The following DOCK1 variants were observed in gnomAD, a reference collection of about 807,000 sequenced individuals.
DOCK1 encodes the protein dedicator of cytokinesis 1, also known as dedicator of cytokinesis protein 1.
A neutral mutation model predicts 262.7 loss-of-function variants in DOCK1; 138 were observed. The ratio of observed to expected loss-of-function variants is 0.53; its 90% CI spans 0.46 to 0.61. The LOEUF is 0.61. DOCK1 is among the 20% of genes least tolerant of loss of function. DOCK1 has a pLI of 0.00. For missense variants in DOCK1, 1,908 were observed against 2,370.7 expected (o/e 0.80, Z 4.05); for synonymous variants, 866 against 867.4 (o/e 1.00, Z 0.03).
At chr10:127,267,736 G>A (rs2060414841) in intron 29 of DOCK1, among the ~76,000 whole-genome samples, 1 of 152,282 alleles carries the variant, frequency 6.6e-6, no homozygotes, top group African/African-American at 2.4e-5. Flanking sequence ...TCTATTTTAT[G>A]CATGAAACAT....
At chr10:127,316,749 C>G (rs961623643) in intron 29 of DOCK1, among the ~76,000 whole-genome samples, 18 of 152,220 alleles carry the variant, frequency 1.2e-4, no homozygotes, top group East Asian at 1.2e-3. Context: ...ACAGACAAGG[C>G]GGACCACAGA....
intron 27 of DOCK1, among the ~76,000 whole-genome samples, chr10:127,168,861 CTG>C (rs1247449781): frequency 1.3e-5 from 2 of 152,174 alleles, no homozygotes; most frequent in African/African-American, 4.8e-5. Context: ...TCTTTCTGCT[CTG>C]TAACTTAAAT....
At chr10:127,125,793 T>G in intron 26 of DOCK1, among the ~76,000 whole-genome samples, 192 bp downstream of exon 26, 1 of 152,322 alleles carries the variant, frequency 6.6e-6, no homozygotes, top group Non-Finnish European at 1.5e-5. Flanking sequence ...ACATTTATCC[T>G]TTTGCATTGA....
intron 5 of DOCK1, among the ~76,000 whole-genome samples, chr10:126,989,207 G>A (rs2134983367): frequency 6.6e-6 from 1 of 152,286 alleles, no homozygotes; most frequent in East Asian, 1.9e-4. Flanking sequence ...CTCCTAGAAA[G>A]AAGGTTAAAT....
intron 27 of DOCK1, among the ~76,000 whole-genome samples, chr10:127,129,168 C>G (rs1168083856): frequency 1.3e-5 from 2 of 152,156 alleles, no homozygotes; most frequent in African/African-American, 4.8e-5. Context: ...ACAGGTCGCA[C>G]AGATGGACAA....
At chr10:127,336,625 C>T (rs371538357) in intron 29 of DOCK1, among the ~76,000 whole-genome samples, 34 of 151,850 alleles carry the variant, frequency 2.2e-4, no homozygotes, top group South Asian at 1.7e-3. Flanking sequence ...CTGCAAGCTC[C>T]GCCTCCCAGG....
At chr10:127,327,900 T>G (rs547651937) in intron 29 of DOCK1, among the ~76,000 whole-genome samples, 14 of 152,286 alleles carry the variant, frequency 9.2e-5, no homozygotes, top group African/African-American at 3.4e-4. Flanking sequence ...AGATCACTTA[T>G]GACCTTGAGG....
chr10:127,325,819 T>A (rs1159509127), intron 29 of DOCK1, among the ~76,000 whole-genome samples: 1 of 152,150 alleles, frequency 6.6e-6, no homozygotes, highest in East Asian at 1.9e-4. Flanking sequence ...TTAGGGTAGG[T>A]GATTATATCT....
chr10:127,048,906 A>C (rs1156639912), intron 21 of DOCK1, among the ~76,000 whole-genome samples: 1 of 152,236 alleles, frequency 6.6e-6, no homozygotes, highest in Non-Finnish European at 1.5e-5. Context: ...CTAACCTTAT[A>C]CATAATGCTG....
chr10:126,951,628 G>GA (rs2036256074), intron 1 of DOCK1, among the ~76,000 whole-genome samples: 1 of 117,088 alleles, frequency 8.5e-6, no homozygotes, highest in African/African-American at 3.3e-5. Flanking sequence ...GGTATTGTTG[G>GA]TGGTAGTATT....
chr10:127,108,071 A>C (rs1592056500), intron 24 of DOCK1, among the ~76,000 whole-genome samples: 1 of 152,234 alleles, frequency 6.6e-6, no homozygotes, highest in African/African-American at 2.4e-5. Context: ...GGCCTCTCTC[A>C]GATTTGTGCA....
chr10:127,236,500 GTTTTT>G (rs771387854), intron 27 of DOCK1, among the ~76,000 whole-genome samples: 139 of 66,794 alleles, frequency 2.1e-3, no homozygotes, highest in African/African-American at 7.4e-3. Flanking sequence ...CTTGACACGG[GTTTTT>G]TTTTTTTTTT....
In DOCK1 at chr10:126,994,113, G is replaced by T. The variant is rs530689266; in HGVS notation, c.474-2635G>T. Among the ~76,000 whole-genome samples, 8 of 152,234 alleles carry T rather than the reference G, an allele frequency of 5.3e-5. No individual in the cohort carries two copies. The South Asian group carries it at 1.7e-3, about 32-fold the overall frequency. On this transcript the variant is annotated intron_variant, in intron 6 of 51. Coordinates refer to ENST00000623213, the MANE Select transcript of DOCK1 (RefSeq NM_001290223.2). ...ATCCTAACGGGTAAGAGGCACCTAT[G>T]GTTAATTTTCTGCCCTTAGACCTGC... is the stretch of plus-strand genomic sequence containing the variant.
chr10:127,390,390 C>T (rs187654702), intron 38 of DOCK1, among the ~76,000 whole-genome samples: 5 of 152,260 alleles, frequency 3.3e-5, no homozygotes, highest in Admixed American at 6.5e-5. Flanking sequence ...AGTTGCATCC[C>T]CCCAAAATTC....
chr10:127,283,617 C>G (rs978111678), intron 29 of DOCK1, among the ~76,000 whole-genome samples: 1 of 152,200 alleles, frequency 6.6e-6, no homozygotes, highest in Non-Finnish European at 1.5e-5. Context: ...ATACTTTATT[C>G]TTTCATAATC....
At chr10:126,951,248 ATAT>A (rs1279816968) in intron 1 of DOCK1, among the ~76,000 whole-genome samples, 2 of 142,892 alleles carry the variant, frequency 1.4e-5, no homozygotes, top group Non-Finnish European at 3.0e-5. Context: ...ATTGTTGGTA[ATAT>A]TAGTGATAGT....
chr10:127,296,864 C>T (rs2182462), intron 29 of DOCK1, among the ~76,000 whole-genome samples: 22,877 of 152,154 alleles, frequency 0.15, 1,981 homozygotes, highest in East Asian at 0.23. Flanking sequence ...GAAATGCGTC[C>T]TAAAGAGCCG....
At chr10:127,188,101 A>G (rs1474543643) in intron 27 of DOCK1, among the ~76,000 whole-genome samples, 3 of 152,052 alleles carry the variant, frequency 2.0e-5, no homozygotes, top group Non-Finnish European at 4.4e-5. Context: ...AGCCCCTTCC[A>G]TTTTTTTCTA....
intron 29 of DOCK1, among the ~76,000 whole-genome samples, chr10:127,270,824 T>A (rs2060536060): frequency 6.6e-6 from 1 of 152,214 alleles, no homozygotes; most frequent in Non-Finnish European, 1.5e-5. Flanking sequence ...AACATCAGAC[T>A]GATTTTTCTT....
Sources: gnomAD v4.1 joint callset for allele counts (sites outside exome capture counted in the v4.1 genomes callset) on GRCh38, gnomAD v4.1.1 for gene constraint, MANE v1.5 for transcripts, NCBI Gene and HGNC (gene_info 2026-07-23, HGNC 2026-07-21) for gene names.